CCDC141: variants seen among roughly 807,000 people sequenced by gnomAD.
The protein encoded by CCDC141 is coiled-coil domain containing 141.
Under a neutral mutation model 181.0 loss-of-function variants are expected in CCDC141, and 168 were observed. The observed-to-expected ratio is 0.93, with a 90% CI of 0.82 to 1.05. The LOEUF is 1.05. Ranked by LOEUF, CCDC141 falls within the 50% of genes least tolerant of loss-of-function variation. CCDC141 has a pLI of 0.00. For synonymous variants in CCDC141, 666 were observed against 642.3 expected (o/e 1.04, Z -0.56); for missense variants, 1,902 against 1,788.5 (o/e 1.06, Z -1.14).
At chr2:179,023,894 C>T (rs1393161890) in intron 2 of CCDC141, among the ~76,000 whole-genome samples, 1 of 152,140 alleles carries the variant, frequency 6.6e-6, no homozygotes, top group Non-Finnish European at 1.5e-5. Context: ...AATGTAAATA[C>T]TTCATAAACC....
intron 6 of CCDC141, among the ~76,000 whole-genome samples, chr2:178,943,052 T>C (rs980979588): frequency 1.3e-5 from 2 of 152,186 alleles, no homozygotes; most frequent in African/African-American, 4.8e-5. Flanking sequence ...TTATCGTGAA[T>C]ATAACCCCAA....
In CCDC141 at chr2:178,878,030, C is replaced by T. The variant is rs754147884; in HGVS notation, c.1833G>A (p.Gln611=). The T allele has an allele frequency of 6.2e-7, 1 of 1,613,884 alleles. No individual in the cohort carries two copies. The highest frequency in any genetic ancestry group is 1.1e-5 in the South Asian group (1 of 91,076). The change falls in exon 12 of 24, where the codon CAG becomes CAA. Residue 611 remains glutamine, a synonymous_variant. Transcript: ENST00000443758. ...TTATAAAACTCTTCTTTAAAAATAG[C>T]TGCCACTGCTTCTCAGCCGAGTCAG... ...HCSDSAEKQW[Q]LFLKKSFITQ...
chr2:179,046,135 T>G (rs754942420), intron 2 of CCDC141, among the ~76,000 whole-genome samples: 4 of 152,220 alleles, frequency 2.6e-5, no homozygotes, highest in Admixed American at 2.6e-4. Flanking sequence ...GTACTAAAAA[T>G]GCAGAGCATC....
intron 2 of CCDC141, among the ~76,000 whole-genome samples, chr2:179,010,807 C>G (rs2042246632): frequency 6.6e-6 from 1 of 152,154 alleles, no homozygotes; most frequent in Non-Finnish European, 1.5e-5. Flanking sequence ...ATGAATGCAA[C>G]AGTACCTCAT....
chr2:179,027,717 A>T, intron 2 of CCDC141, among the ~76,000 whole-genome samples: 1 of 145,746 alleles, frequency 6.9e-6, no homozygotes, highest in Non-Finnish European at 1.5e-5. Flanking sequence ...GTCTGCTGCC[A>T]TCCATGTAAG....
intron 17 of CCDC141, among the ~76,000 whole-genome samples, chr2:178,860,972 G>C (rs781644533): frequency 8.5e-5 from 13 of 152,138 alleles, no homozygotes; most frequent in Non-Finnish European, 1.5e-4. Flanking sequence ...TCATTTTGCA[G>C]ATGTTAAACA....
At chr2:178,887,073 G>T (rs1457219057) in intron 9 of CCDC141, among the ~76,000 whole-genome samples, 1 of 152,082 alleles carries the variant, frequency 6.6e-6, no homozygotes, top group Non-Finnish European at 1.5e-5. Context: ...AATACTTGTG[G>T]TCTACCAACA....
intron 6 of CCDC141, among the ~76,000 whole-genome samples, chr2:178,921,591 T>C (rs1469295363): frequency 2.6e-5 from 4 of 152,218 alleles, no homozygotes; most frequent in African/African-American, 7.2e-5. Flanking sequence ...CTTCTTGGCA[T>C]CTTTAATGTA....
intron 23 of CCDC141, 100 bp downstream of exon 23, chr2:178,836,794 A>G: frequency 7.6e-7 from 1 of 1,316,672 alleles, no homozygotes. Flanking sequence ...ATAGAATATT[A>G]ATCAGCTAGC....
chr2:179,009,057 C>G (rs1352586464), intron 2 of CCDC141, among the ~76,000 whole-genome samples: 1 of 152,204 alleles, frequency 6.6e-6, no homozygotes, highest in African/African-American at 2.4e-5. Context: ...AAACTACTTA[C>G]TGCTCTCCTA....
At chr2:178,968,055 C>T (rs566622374) in intron 4 of CCDC141, among the ~76,000 whole-genome samples, 2 of 152,314 alleles carry the variant, frequency 1.3e-5, no homozygotes, top group East Asian at 3.9e-4. Flanking sequence ...AATATACATG[C>T]ACCCAATACA....
chr2:178,887,149 C>T (rs1163601711), intron 9 of CCDC141, among the ~76,000 whole-genome samples: 4 of 152,128 alleles, frequency 2.6e-5, no homozygotes, highest in African/African-American at 9.7e-5. Flanking sequence ...CATCCACATC[C>T]TCTAAGAACT....
At chr2:179,013,990 A>AAAGT (rs2042352691) in intron 2 of CCDC141, among the ~76,000 whole-genome samples, 1 of 134,986 alleles carries the variant, frequency 7.4e-6, no homozygotes, top group African/African-American at 2.6e-5. Context: ...AAAAAAAAGG[A>AAAGT]CAAATCTAGA....
In CCDC141 at chr2:178,877,965, A is replaced by G. The variant is rs530874553; in HGVS notation, c.1898T>C (p.Met633Thr). 13 of 1,611,702 alleles carry G rather than the reference A, an allele frequency of 8.1e-6. No homozygotes were observed. In the South Asian group the frequency reaches 9.9e-5, roughly 12 times the overall value. ...TGATCCATTTAATGCCATTCTTACC[A>G]TATTTATTAAATTAAGGAACTCAAG... ...LGLEFLNLINMAKENEILDVK... is the reference protein window; with the variant it reads ...LGLEFLNLINTAKENEILDVK... The change falls in exon 12 of 24, where the codon ATG becomes ACG. Residue 633 changes from methionine (M) to threonine (T), a missense_variant and splice_region_variant. Met to Thr is a moderately conservative substitution (Grantham distance 81, BLOSUM62 -1). Transcript: ENST00000443758.
intron 19 of CCDC141, among the ~76,000 whole-genome samples, chr2:178,854,397 G>A (rs937267373): frequency 2.6e-5 from 4 of 152,084 alleles, no homozygotes; most frequent in East Asian, 1.9e-4. Flanking sequence ...GGTGGTGGGC[G>A]CCTGTAGTCC....
intron 7 of CCDC141, among the ~76,000 whole-genome samples, chr2:178,907,931 G>A (rs930725182): frequency 2.6e-5 from 4 of 151,920 alleles, no homozygotes; most frequent in Non-Finnish European, 4.4e-5. Context: ...CCCGGGAGGT[G>A]GAGGTTGCAG....
chr2:178,826,534 C>G (rs1366148218), downstream of CCDC141, among the ~76,000 whole-genome samples: 1 of 152,024 alleles, frequency 6.6e-6, no homozygotes, highest in African/African-American at 2.4e-5. Context: ...TGGTAATTTA[C>G]CAGTGAAATC....
At chr2:178,822,100 C>G in the CCDC141 span, among the ~76,000 whole-genome samples, 1 of 152,100 alleles carries the variant, frequency 6.6e-6, no homozygotes, top group East Asian at 1.9e-4. Flanking sequence ...AGTTCATGTC[C>G]TTTGTAGGGA....
intron 7 of CCDC141, among the ~76,000 whole-genome samples, chr2:178,910,269 T>C (rs867273355): frequency 6.6e-6 from 1 of 152,312 alleles, no homozygotes; most frequent in Non-Finnish European, 1.5e-5. Context: ...TTCACAAAGG[T>C]GTTTAATAAG....
Sources: allele counts gnomAD v4.1 joint callset (sites outside exome capture counted in the v4.1 genomes callset), GRCh38; gene constraint gnomAD v4.1.1; transcripts MANE v1.5; gene names NCBI Gene and HGNC (gene_info 2026-07-23, HGNC 2026-07-21).